The following KHDRBS2 variants were observed in gnomAD, a reference collection of about 807,000 sequenced individuals.
KHDRBS2 encodes the protein KH domain-containing, RNA-binding, signal transduction-associated protein 2.
A neutral mutation model predicts 44.3 loss-of-function variants in KHDRBS2; 26 were observed. That is an observed-to-expected ratio of 0.59 (90% CI 0.43 to 0.81). The LOEUF (loss-of-function observed/expected upper bound fraction) is 0.81, where lower values mean the gene tolerates loss of function less well. KHDRBS2 is among the 40% of genes least tolerant of loss of function. The probability of loss-of-function intolerance (pLI) is 0.00; values close to 1 mark genes in which losing one functional copy is unlikely to be tolerated. For synonymous variants in KHDRBS2, 194 were observed against 151.1 expected, an observed-to-expected ratio of 1.28 and a Z score of -2.08; for missense variants, 476 against 433.1, an observed-to-expected ratio of 1.10 and a Z score of -0.88.
intron 2 of KHDRBS2, among the ~76,000 whole-genome samples, chr6:62,125,334 G>A (rs1347147320): frequency 6.6e-6 from 1 of 152,200 alleles, no homozygotes; most frequent in Admixed American, 6.5e-5. Flanking sequence ...GCCCATTCCA[G>A]TTGTCAGAAC....
intron 3 of KHDRBS2, among the ~76,000 whole-genome samples, chr6:62,040,531 G>C (rs1786246061): frequency 6.6e-6 from 1 of 152,028 alleles, no homozygotes; most frequent in African/African-American, 2.4e-5. Context: ...TAGATAGGAA[G>C]ACTTGAGTAG....
At chr6:61,715,959 G>A (rs1467737010) in intron 7 of KHDRBS2, among the ~76,000 whole-genome samples, 2 of 131,308 alleles carry the variant, frequency 1.5e-5, no homozygotes, top group Non-Finnish European at 3.2e-5. Context: ...GACGTAGCAG[G>A]TTATATTTTT....
chr6:62,249,900 A>T (rs1836241407), intron 1 of KHDRBS2, among the ~76,000 whole-genome samples: 1 of 152,084 alleles, frequency 6.6e-6, no homozygotes, highest in African/African-American at 2.4e-5. Context: ...TAAAGTTCAC[A>T]TTTTAAAAGG....
chr6:62,209,731 C>T (rs1828697379), intron 1 of KHDRBS2, among the ~76,000 whole-genome samples: 1 of 152,132 alleles, frequency 6.6e-6, no homozygotes, highest in Admixed American at 6.5e-5. Flanking sequence ...AGCTTGGTTA[C>T]AATAAAGTAG....
At chr6:61,690,762 A>G (rs1767314010) in intron 8 of KHDRBS2, among the ~76,000 whole-genome samples, 1 of 152,072 alleles carries the variant, frequency 6.6e-6, no homozygotes, top group African/African-American at 2.4e-5. Context: ...TCAAAAATGC[A>G]AATGACTGGC....
the KHDRBS2 span, among the ~76,000 whole-genome samples, chr6:61,620,329 T>G: frequency 1.3e-5 from 2 of 152,170 alleles, no homozygotes; most frequent in African/African-American, 4.8e-5. Context: ...TATTGATTCT[T>G]TTAATTGAGA....
chr6:61,743,011 C>G (rs962996361), intron 6 of KHDRBS2, among the ~76,000 whole-genome samples: 1 of 152,070 alleles, frequency 6.6e-6, no homozygotes, highest in African/African-American at 2.4e-5. Context: ...CTCTGCCAGC[C>G]ATGCATATGC....
chr6:61,861,101 T>C (rs1310982524), intron 6 of KHDRBS2, among the ~76,000 whole-genome samples: 1 of 152,140 alleles, frequency 6.6e-6, no homozygotes, highest in Non-Finnish European at 1.5e-5. Flanking sequence ...TCCTTATAGA[T>C]GCTGGATATT....
intron 4 of KHDRBS2, among the ~76,000 whole-genome samples, chr6:61,953,067 C>T (rs139300366): frequency 7.4e-4 from 112 of 151,750 alleles, no homozygotes; most frequent in African/African-American, 2.5e-3. Flanking sequence ...TAAAAAAATA[C>T]CTGTTCATAT....
intron 7 of KHDRBS2, among the ~76,000 whole-genome samples, chr6:61,732,102 C>T (rs1177153502): frequency 6.6e-6 from 1 of 151,996 alleles, no homozygotes; most frequent in Non-Finnish European, 1.5e-5. Context: ...CAGCTGTATT[C>T]TAAATGGGTA....
chr6:61,826,184 G>T lies in KHDRBS2; in HGVS notation c.810+68451C>A, dbSNP rs183534280. Reference sequence around the variant, plus strand: ...TAGGGGTTTTATGGGCATATTTTAGGTTTTGCTTCCCATAGTTAAAATTTG... The same window carrying T: ...TAGGGGTTTTATGGGCATATTTTAGTTTTTGCTTCCCATAGTTAAAATTTG... On this transcript the variant is annotated intron_variant, in intron 6 of 8. Transcript: ENST00000281156. Among the ~76,000 whole-genome samples the T allele has an allele frequency of 1.5e-4, 23 of 152,108 alleles. 1 individual carries two copies. The East Asian group carries it at 3.7e-3, about 24-fold the overall frequency.
chr6:61,917,877 C>T (rs1025324661), intron 4 of KHDRBS2, among the ~76,000 whole-genome samples: 2 of 151,950 alleles, frequency 1.3e-5, no homozygotes, highest in African/African-American at 4.8e-5. Context: ...TCGACCATTT[C>T]ATCAAGTTGA....
intron 6 of KHDRBS2, among the ~76,000 whole-genome samples, chr6:61,826,804 C>A (rs1481932794): frequency 1.3e-5 from 2 of 152,038 alleles, no homozygotes; most frequent in African/African-American, 4.8e-5. Context: ...CAAACCCTTA[C>A]CATAAAATTT....
At chr6:62,250,139 T>A (rs1836277558) in intron 1 of KHDRBS2, among the ~76,000 whole-genome samples, 1 of 152,096 alleles carries the variant, frequency 6.6e-6, no homozygotes, top group African/African-American at 2.4e-5. Context: ...GAATACAAAG[T>A]GCACGCTGAC....
At chr6:61,851,366 A>G (rs2127284358) in intron 6 of KHDRBS2, among the ~76,000 whole-genome samples, 1 of 152,036 alleles carries the variant, frequency 6.6e-6, no homozygotes, top group African/African-American at 2.4e-5. Flanking sequence ...TGGCATCTGT[A>G]TGTTGTTTGG....
At chr6:62,253,927 G>T (rs1251375518) in intron 1 of KHDRBS2, among the ~76,000 whole-genome samples, 5 of 151,936 alleles carry the variant, frequency 3.3e-5, no homozygotes, top group African/African-American at 1.2e-4. Flanking sequence ...GGATGTCAGA[G>T]TTCTTCTTTT....
intron 3 of KHDRBS2, among the ~76,000 whole-genome samples, chr6:61,980,357 C>A (rs1773579816): frequency 6.6e-6 from 1 of 152,084 alleles, no homozygotes; most frequent in Admixed American, 6.6e-5. Context: ...TGGTATTTTG[C>A]CCTTCTAGAT....
chr6:62,074,626 C>T (rs1345779081), intron 2 of KHDRBS2, among the ~76,000 whole-genome samples: 4 of 151,846 alleles, frequency 2.6e-5, no homozygotes, highest in Admixed American at 6.6e-5. Context: ...ACTAGATCAA[C>T]GTTTCAAGAA....
intron 8 of KHDRBS2, among the ~76,000 whole-genome samples, chr6:61,692,502 T>G (rs533524232): frequency 3.3e-5 from 5 of 152,126 alleles, no homozygotes; most frequent in African/African-American, 9.6e-5. Flanking sequence ...TTTGCAAAGA[T>G]CCTGAATAAT....
Sources: allele counts gnomAD v4.1 joint callset (sites outside exome capture counted in the v4.1 genomes callset), GRCh38; gene constraint gnomAD v4.1.1; transcripts MANE v1.5; gene names NCBI Gene and HGNC (gene_info 2026-07-23, HGNC 2026-07-21).